ZNF532: variants seen among roughly 807,000 people sequenced by gnomAD.
ZNF532 encodes zinc finger protein 532.
In ZNF532, 22 loss-of-function variants were observed where a neutral mutation model predicts 89.3. The ratio of observed to expected loss-of-function variants is 0.25; its 90% confidence interval spans 0.18 to 0.35. ZNF532 has a LOEUF of 0.35. Among genes scored for constraint, ZNF532 ranks in the 10% least tolerant of loss-of-function variants. The pLI is 1.00. For missense variants in ZNF532, 1,132 were observed against 1,643.4 expected (o/e 0.69, Z 5.38); for synonymous variants, 606 against 649.6 (o/e 0.93, Z 1.02).
intron 4 of ZNF532, among the ~76,000 whole-genome samples, chr18:58,935,543 T>A (rs1159822756): frequency 8.3e-6 from 1 of 120,658 alleles, no homozygotes; most frequent in African/African-American, 3.3e-5. Context: ...TCCTCCCTTG[T>A]CTCTTCTGCA....
intron 7 of ZNF532, among the ~76,000 whole-genome samples, chr18:58,962,620 T>C (rs9959851): frequency 1.5e-4 from 23 of 150,296 alleles, no homozygotes; most frequent in African/African-American, 5.4e-4. Flanking sequence ...TTTTTTTTTT[T>C]GAGATGGAGT....
chr18:58,887,505 G>A (rs1251440023), intron 2 of ZNF532, among the ~76,000 whole-genome samples: 1 of 152,136 alleles, frequency 6.6e-6, no homozygotes, highest in Non-Finnish European at 1.5e-5. Context: ...GCTTAATTTG[G>A]TTATTGTTCG....
intron 2 of ZNF532, among the ~76,000 whole-genome samples, chr18:58,868,429 G>A (rs1463336886): frequency 6.6e-6 from 1 of 152,212 alleles, no homozygotes; most frequent in South Asian, 2.1e-4. Context: ...CACGGGCGAA[G>A]CAGAACAGGC....
chr18:58,940,282 G>A (rs1051252167), intron 5 of ZNF532: 2 of 152,006 alleles, frequency 1.3e-5, no homozygotes, highest in Non-Finnish European at 2.9e-5. Flanking sequence ...TTTTTATAGG[G>A]TACACTTTTG....
At chr18:58,951,916 T>A (rs975134466) in intron 6 of ZNF532, among the ~76,000 whole-genome samples, 3 of 152,132 alleles carry the variant, frequency 2.0e-5, no homozygotes, top group Non-Finnish European at 2.9e-5. Context: ...CCCAAAGTGC[T>A]GGGATTACAG....
chr18:58,891,288 C>T (rs778390119), intron 2 of ZNF532, among the ~76,000 whole-genome samples: 42 of 152,032 alleles, frequency 2.8e-4, no homozygotes, highest in Non-Finnish European at 6.0e-4. Context: ...CCAGCACTTT[C>T]GGAGGCTGAG....
intron 2 of ZNF532, among the ~76,000 whole-genome samples, chr18:58,894,204 C>T (rs1349605468): frequency 6.6e-6 from 1 of 152,156 alleles, no homozygotes; most frequent in African/African-American, 2.4e-5. Flanking sequence ...GTGGCTCATG[C>T]CTGTAATCCT....
At chr18:58,968,198 C>T (rs959859794) in intron 7 of ZNF532, among the ~76,000 whole-genome samples, 1 of 152,178 alleles carries the variant, frequency 6.6e-6, no homozygotes, top group Non-Finnish European at 1.5e-5. Flanking sequence ...GGTAGAGGCT[C>T]CCTTGACACT....
At chr18:58,969,610 G>T (rs1006228353) in intron 7 of ZNF532, among the ~76,000 whole-genome samples, 27 of 152,192 alleles carry the variant, frequency 1.8e-4, no homozygotes, top group African/African-American at 5.8e-4. Flanking sequence ...CATTCAGGCA[G>T]TTGGAAAGTT....
At chr18:58,947,816 A>G (rs554248274) in intron 5 of ZNF532, among the ~76,000 whole-genome samples, 1 of 152,350 alleles carries the variant, frequency 6.6e-6, no homozygotes, top group East Asian at 1.9e-4. Flanking sequence ...TGAATAGTAA[A>G]ATGGTCATTA....
intron 5 of ZNF532, among the ~76,000 whole-genome samples, chr18:58,942,305 A>C (rs1374471428): frequency 8.2e-6 from 1 of 122,550 alleles, no homozygotes; most frequent in Non-Finnish European, 1.7e-5. Context: ...TACAGGCGTG[A>C]GCCACCGCGC....
intron 7 of ZNF532, among the ~76,000 whole-genome samples, chr18:58,966,742 T>G (rs917207295): frequency 1.5e-3 from 131 of 88,594 alleles, no homozygotes; most frequent in African/African-American, 0.013. Context: ...TTTTGTGTTT[T>G]TTTTTTTTTT....
intron 5 of ZNF532, among the ~76,000 whole-genome samples, chr18:58,947,487 A>G (rs1458021167): frequency 3.9e-5 from 6 of 152,250 alleles, no homozygotes; most frequent in Admixed American, 3.9e-4. Flanking sequence ...CATTGTTGAA[A>G]TAACAGTGGT....
chr18:58,978,037 G>A (rs1361788551), intron 7 of ZNF532, among the ~76,000 whole-genome samples: 1 of 152,136 alleles, frequency 6.6e-6, no homozygotes, highest in Non-Finnish European at 1.5e-5. Context: ...TGCTATGCAT[G>A]TCATAACCAA....
chr18:58,981,313 G>A (rs2067741016), intron 8 of ZNF532, 157 bp from the exon 9 acceptor site: 1 of 904,624 alleles, frequency 1.1e-6, no homozygotes, highest in Non-Finnish European at 1.7e-6. Flanking sequence ...GCCACTCCTA[G>A]CAAAATTGCT....
chr18:58,895,272 A>G (rs1289390561), intron 2 of ZNF532, among the ~76,000 whole-genome samples: 2 of 152,230 alleles, frequency 1.3e-5, no homozygotes, highest in Non-Finnish European at 2.9e-5. Context: ...AAAGGAACAG[A>G]CGCATGTCTT....
Position 58,918,699 on chromosome 18 carries a change from T to A in ZNF532, c.412T>A (p.Phe138Ile). The change falls in exon 3 of 10, where the codon TTT becomes ATT. Residue 138 changes from phenylalanine to isoleucine, a missense_variant. Phe to Ile is a conservative substitution (Grantham distance 21). This residue lies in a region of ZNF532 where 302 missense variants were observed against 319.8 expected (regional missense o/e 0.94). Coordinates refer to ENST00000591808, the MANE Select transcript of ZNF532 (RefSeq NM_001375912.1). ...TAGCCCGATCTCCAGTGCTGAAGAGTTTGATGACGACGAGAAGATTGAGGT... is the reference window on the plus strand; with the variant it reads ...TAGCCCGATCTCCAGTGCTGAAGAGATTGATGACGACGAGAAGATTGAGGT... Reference protein sequence around the residue: ...QFSPISSAEEFDDDEKIEVDD... With the variant: ...QFSPISSAEEIDDDEKIEVDD... The A allele has an allele frequency of 6.2e-7, 1 of 1,613,918 alleles. No homozygotes were observed. The highest frequency in any genetic ancestry group is 1.6e-4 in the Middle Eastern group (1 of 6,062).
chr18:58,945,586 A>G (rs975037829), intron 5 of ZNF532, among the ~76,000 whole-genome samples: 1 of 152,200 alleles, frequency 6.6e-6, no homozygotes, highest in Non-Finnish European at 1.5e-5. Context: ...TCCCTCCCCA[A>G]AGGAATGTAG....
At chr18:58,914,398 T>C (rs547645841) in intron 2 of ZNF532, among the ~76,000 whole-genome samples, 11 of 152,358 alleles carry the variant, frequency 7.2e-5, no homozygotes, top group Non-Finnish European at 1.2e-4. Context: ...TAAAAGACCA[T>C]TGGCCAGGCG....
Sources: allele counts gnomAD v4.1 joint callset (sites outside exome capture counted in the v4.1 genomes callset), GRCh38; gene constraint gnomAD v4.1.1; regional missense constraint gnomAD v4.1.1; transcripts MANE v1.5; gene names NCBI Gene and HGNC (gene_info 2026-07-23, HGNC 2026-07-21).